Variants in RAB3C observed in about 807,000 individuals in gnomAD.
The protein encoded by RAB3C is RAB3C, member RAS oncogene family, also known as ras-related protein Rab-3C.
A neutral mutation model predicts 26.4 loss-of-function variants in RAB3C; 17 were observed. The observed-to-expected ratio is 0.64, with a 90% CI of 0.44 to 0.97. The LOEUF (loss-of-function observed/expected upper bound fraction) is 0.97. RAB3C is among the 50% of genes least tolerant of loss of function. The pLI, the probability that RAB3C is intolerant of heterozygous loss-of-function variation, is 0.00. For missense variants in RAB3C, 242 were observed against 281.9 expected (o/e 0.86, Z 1.01); for synonymous variants, 91 against 95.9 (o/e 0.95, Z 0.30).
At chr5:58,742,838 T>C (rs961383407) in intron 3 of RAB3C, among the ~76,000 whole-genome samples, 3 of 152,216 alleles carry the variant, frequency 2.0e-5, no homozygotes, top group African/African-American at 7.2e-5. Flanking sequence ...TAAGACAGCT[T>C]CTTGTAGGAA....
chr5:58,836,767 T>A (rs1743756913), intron 4 of RAB3C, among the ~76,000 whole-genome samples: 2 of 152,260 alleles, frequency 1.3e-5, no homozygotes, highest in Non-Finnish European at 1.5e-5. Context: ...CCACATTTTT[T>A]AATCTATTCA....
At chr5:58,826,096 G>A (rs1420365530) in intron 4 of RAB3C, among the ~76,000 whole-genome samples, 1 of 152,116 alleles carries the variant, frequency 6.6e-6, no homozygotes, top group Non-Finnish European at 1.5e-5. Context: ...GACACAGGAA[G>A]GGGAAAAACA....
intron 2 of RAB3C, among the ~76,000 whole-genome samples, chr5:58,671,375 C>T (rs750764113): frequency 3.3e-5 from 5 of 152,168 alleles, no homozygotes; most frequent in Admixed American, 6.5e-5. Context: ...GGCTTCAAAA[C>T]GAAGGCTGTC....
In RAB3C at chr5:58,766,966, G is replaced by A. The variant is rs116581687; in HGVS notation, c.371+40846G>A. ...AATAGACTTCAAGAGACTGAGAACA[G>A]CATCTCTGAATCTAAAGCACAAGTG... is the stretch of plus-strand genomic sequence containing the variant. On this transcript the variant is annotated intron_variant, in intron 3 of 4. Coordinates refer to ENST00000282878, the MANE Select transcript of RAB3C (RefSeq NM_138453.4). Among the ~76,000 whole-genome samples the A allele has an allele frequency of 5.1e-3, 780 of 152,256 alleles. 10 individuals carry two copies. Among genetic ancestry groups the A allele is most frequent in the African/African-American group, 0.018 (742 of 41,558 alleles).
intron 1 of RAB3C, among the ~76,000 whole-genome samples, chr5:58,602,575 G>T (rs1031287200): frequency 6.6e-6 from 1 of 152,054 alleles, no homozygotes; most frequent in Non-Finnish European, 1.5e-5. Flanking sequence ...GTTGGATAAG[G>T]CCTTTTACCA....
At chr5:58,780,153 T>G (rs1364302422) in intron 3 of RAB3C, among the ~76,000 whole-genome samples, 1 of 152,076 alleles carries the variant, frequency 6.6e-6, no homozygotes, top group Non-Finnish European at 1.5e-5. Context: ...GGCAGCAAAT[T>G]GTGGGTGGCA....
chr5:58,691,799 T>C (rs1276824632), intron 2 of RAB3C, among the ~76,000 whole-genome samples: 2 of 152,210 alleles, frequency 1.3e-5, no homozygotes, highest in Non-Finnish European at 2.9e-5. Context: ...TGCTCACCTG[T>C]GATGTCACTG....
At chr5:58,767,315 A>G (rs1331345533) in intron 3 of RAB3C, among the ~76,000 whole-genome samples, 1 of 152,158 alleles carries the variant, frequency 6.6e-6, no homozygotes, top group African/African-American at 2.4e-5. Context: ...GTGGGCTGAA[A>G]ACAGGCACTC....
intron 4 of RAB3C, among the ~76,000 whole-genome samples, chr5:58,850,877 T>A (rs1033334600): frequency 3.9e-5 from 6 of 152,202 alleles, no homozygotes; most frequent in African/African-American, 1.4e-4. Flanking sequence ...AGAATATTTT[T>A]AATCTATTCA....
chr5:58,626,519 G>A (rs941426900), intron 2 of RAB3C, among the ~76,000 whole-genome samples: 23 of 152,092 alleles, frequency 1.5e-4, no homozygotes, highest in Non-Finnish European at 3.2e-4. Context: ...ATCAAGAATG[G>A]GCCCCAAAGC....
At chr5:58,678,879 G>T (rs1007778522) in intron 2 of RAB3C, among the ~76,000 whole-genome samples, 33 of 152,056 alleles carry the variant, frequency 2.2e-4, no homozygotes, top group African/African-American at 8.0e-4. Flanking sequence ...TGGATGTAGG[G>T]TATAAATAGA....
At chr5:58,810,812 G>C (rs903951688) in intron 3 of RAB3C, among the ~76,000 whole-genome samples, 5 of 152,154 alleles carry the variant, frequency 3.3e-5, no homozygotes, top group Non-Finnish European at 7.4e-5. Context: ...GGCCAGGCTG[G>C]TCTCGAACTC....
At chr5:58,711,648 C>G (rs10472070) in intron 2 of RAB3C, among the ~76,000 whole-genome samples, 18,183 of 152,112 alleles carry the variant, frequency 0.12, 1,394 homozygotes, top group Non-Finnish European at 0.17. Context: ...TCACAGTAAT[C>G]TTGAGAAGAT....
upstream of RAB3C, chr5:58,582,928 C>G: frequency 1.4e-6 from 1 of 701,724 alleles, no homozygotes; most frequent in Non-Finnish European, 2.1e-6. Context: ...CGGATCGAGC[C>G]TGTTTAATGG....
upstream of RAB3C, chr5:58,582,422 G>A (rs764855630): frequency 6.1e-6 from 6 of 985,242 alleles, no homozygotes; most frequent in Middle Eastern, 1.0e-3. Flanking sequence ...AAGGTAAGCA[G>A]GCGAAAGGAG....
intron 2 of RAB3C, among the ~76,000 whole-genome samples, chr5:58,645,054 T>G (rs757983566): frequency 1.3e-5 from 2 of 152,198 alleles, no homozygotes; most frequent in African/African-American, 2.4e-5. Context: ...GGAAACAGAA[T>G]TTCCCAGAGA....
intron 3 of RAB3C, among the ~76,000 whole-genome samples, chr5:58,737,640 G>T (rs1269093199): frequency 6.6e-6 from 1 of 151,672 alleles, no homozygotes; most frequent in East Asian, 1.9e-4. Context: ...AATTATATAA[G>T]ACTGGATCTT....
At chr5:58,787,272 C>A (rs189530082) in intron 3 of RAB3C, among the ~76,000 whole-genome samples, 4 of 152,332 alleles carry the variant, frequency 2.6e-5, no homozygotes, top group African/African-American at 9.6e-5. Flanking sequence ...CAAAGAAATA[C>A]TCTCTATGTA....
chr5:58,783,795 A>G (rs960243938), intron 3 of RAB3C, among the ~76,000 whole-genome samples: 4 of 152,256 alleles, frequency 2.6e-5, no homozygotes, highest in Admixed American at 2.6e-4. Flanking sequence ...TCCACAAACA[A>G]CATTGTTTTT....
Sources: allele counts gnomAD v4.1 joint callset (sites outside exome capture counted in the v4.1 genomes callset), GRCh38; gene constraint gnomAD v4.1.1; transcripts MANE v1.5; gene names NCBI Gene and HGNC (gene_info 2026-07-23, HGNC 2026-07-21).